The following CAVIN1 variants were observed in gnomAD, a reference collection of about 807,000 sequenced individuals.
CAVIN1 encodes the protein caveolae associated protein 1, also known as caveolae-associated protein 1.
CAVIN1 carries 16 observed loss-of-function variants against 24.0 expected under a neutral mutation model. The observed-to-expected ratio is 0.67, with a 90% CI of 0.45 to 1.01. The LOEUF (loss-of-function observed/expected upper bound fraction) is 1.01. Among genes scored for constraint, CAVIN1 ranks in the 50% least tolerant of loss-of-function variants. The probability of loss-of-function intolerance (pLI) is 0.00; values close to 1 mark genes in which losing one functional copy is unlikely to be tolerated. For missense variants in CAVIN1, 510 were observed against 551.7 expected (o/e 0.92, Z 0.76); for synonymous variants, 256 against 256.4 (o/e 1.00, Z 0.02).
chr17:42,419,386 C>G (rs1462423582), intron 1 of CAVIN1, among the ~76,000 whole-genome samples: 1 of 151,994 alleles, frequency 6.6e-6, no homozygotes, highest in East Asian at 1.9e-4. Context: ...CGATCTCGCT[C>G]ACTGCAACCT....
chr17:42,414,962 C>T (rs1350976334), intron 1 of CAVIN1, among the ~76,000 whole-genome samples: 1 of 150,844 alleles, frequency 6.6e-6, no homozygotes, highest in African/African-American at 2.4e-5. Flanking sequence ...CCCCTACACC[C>T]CTCCCCTCCC....
chr17:42,414,431 G>A (rs1286724324), intron 1 of CAVIN1, among the ~76,000 whole-genome samples: 1 of 151,478 alleles, frequency 6.6e-6, no homozygotes, highest in Non-Finnish European at 1.5e-5. Flanking sequence ...TTAAGATAGA[G>A]TCTCTCTATG....
chr17:42,409,448 G>A (rs1432222632), intron 1 of CAVIN1, among the ~76,000 whole-genome samples: 1 of 152,188 alleles, frequency 6.6e-6, no homozygotes, highest in Admixed American at 6.6e-5. Flanking sequence ...GACCAGTAAG[G>A]GATCTGGGGG....
At chr17:42,418,294 C>T (rs935153159) in intron 1 of CAVIN1, among the ~76,000 whole-genome samples, 1 of 144,428 alleles carries the variant, frequency 6.9e-6, no homozygotes, top group Admixed American at 7.2e-5. Flanking sequence ...TGCAATGGTG[C>T]GATCTCGGCT....
At chr17:42,417,728 G>T (rs1408787807) in intron 1 of CAVIN1, among the ~76,000 whole-genome samples, 3 of 151,944 alleles carry the variant, frequency 2.0e-5, no homozygotes, top group Non-Finnish European at 4.4e-5. Flanking sequence ...TTGCTCTCTT[G>T]TCCAGGCACA....
In CAVIN1 at chr17:42,409,840, G is replaced by A. The variant is rs146038801; in HGVS notation, c.472-4452C>T. Among the ~76,000 whole-genome samples the A allele has an allele frequency of 2.0e-3, 307 of 152,150 alleles. 1 individual carries two copies. The highest frequency in any genetic ancestry group is 3.4e-3 in the Non-Finnish European group (234 of 67,994). ...ACCTCAGGGGATGGCAAGGAGGGACGGCTCTGCTTGTTCTGTTTCTCGTTT... is the reference window on the plus strand; with the variant it reads ...ACCTCAGGGGATGGCAAGGAGGGACAGCTCTGCTTGTTCTGTTTCTCGTTT... On this transcript the variant is annotated intron_variant, in intron 1 of 1. Transcript: ENST00000357037.
At chr17:42,410,701 C>T (rs999685810) in intron 1 of CAVIN1, among the ~76,000 whole-genome samples, 4 of 151,698 alleles carry the variant, frequency 2.6e-5, no homozygotes, top group Non-Finnish European at 5.9e-5. Flanking sequence ...ATTACGAGGT[C>T]AGGAGATCGA....
chr17:42,403,377 C>T lies in CAVIN1; in HGVS notation c.*1310G>A, dbSNP rs1401527322. 2 of 152,888 alleles carry T rather than the reference C, an allele frequency of 1.3e-5. No individual in the cohort carries two copies. The highest frequency in any genetic ancestry group is 2.4e-5 in the African/African-American group (1 of 41,422). 9.5% of individuals were successfully genotyped at this position (152,888 alleles called of 1,614,324 possible). On this transcript the variant is annotated 3_prime_UTR_variant, in exon 2 of 2. Coordinates refer to ENST00000357037, the MANE Select transcript of CAVIN1 (RefSeq NM_012232.6). ...CCTAACTCCCAGCCTGCTGCTGCCCCCTTCTGGGACCCTAATTTTCTGGAC... is the reference window on the plus strand; with the variant it reads ...CCTAACTCCCAGCCTGCTGCTGCCCTCTTCTGGGACCCTAATTTTCTGGAC...
rs2085428173 is a variant in CAVIN1, at chr17:42,404,233, TC to T, written c.*453del. On this transcript the variant is annotated 3_prime_UTR_variant, in exon 2 of 2. Coordinates refer to ENST00000357037, the MANE Select transcript of CAVIN1 (RefSeq NM_012232.6). Reference sequence around the variant, plus strand: ...AGGGGGCCTCCCATGGGGGCAGGGATCCCCTTTAGGATTCAATCTTTCCTCT... The same window carrying T: ...AGGGGGCCTCCCATGGGGGCAGGGATCCCTTTAGGATTCAATCTTTCCTCT... 6.5e-6 allele frequency: 1 copy of T among 155,012 alleles called. No homozygotes were observed. Among genetic ancestry groups the T allele is most frequent in the African/African-American group, 2.4e-5 (1 of 41,548 alleles). 9.6% of individuals were successfully genotyped at this position (155,012 alleles called of 1,614,324 possible).
chr17:42,405,040 T>TG lies in CAVIN1; in HGVS notation c.819dup (p.Met274HisfsTer151). ...ACCAGGCGCGTGCCCAGCTTGTTCA[T>TG]GCGCTTCTCCAGGGTGTGCCGCGTC... On this transcript the variant is annotated frameshift_variant, in exon 2 of 2. Coordinates refer to ENST00000357037, the MANE Select transcript of CAVIN1 (RefSeq NM_012232.6). LOFTEE classifies it high-confidence loss of function. 6.2e-7 allele frequency: 1 copy of TG among 1,614,196 alleles called. No individual in the cohort carries two copies. Among genetic ancestry groups the TG allele is most frequent in the South Asian group, 1.1e-5 (1 of 91,086 alleles).
Position 42,404,761 on chromosome 17 carries a change from G to C in CAVIN1, c.1099C>G (p.Pro367Ala). 6.4e-7 allele frequency: 1 copy of C among 1,566,780 alleles called. No individual in the cohort carries two copies. The highest frequency in any genetic ancestry group is 1.4e-5 in the African/African-American group (1 of 73,368). The change falls in exon 2 of 2, where the codon CCC becomes GCC. Residue 367 changes from proline to alanine, a missense_variant. Physicochemically the swap from Pro to Ala is conservative, Grantham distance 27 (BLOSUM62 -1). Coordinates refer to ENST00000357037, the MANE Select transcript of CAVIN1 (RefSeq NM_012232.6). ...ATCTCCAGCAGCGCGTGCACGTCGG[G>C]GCTGCTCCCGCGCCGCAGGTCGCCG... ...EAGDLRRGSS[P>A]DVHALLEITE...
At position 42,422,674 on chromosome 17, in the gene CAVIN1, C is replaced by A. The variant is rs200111087; in HGVS notation, c.424G>T (p.Glu142Ter). 1.2e-6 allele frequency: 2 copies of A among 1,604,546 alleles called. No homozygotes were observed. The highest frequency in any genetic ancestry group is 1.7e-6 in the Non-Finnish European group (2 of 1,175,950). ...AGQIKKLEVN[E>*]AELLRRRNFK... ...TTGCGGCGCCGCAGCAGCTCGGCCT[C>A]GTTGACCTCCAGCTTCTTGATCTGC... Residue 142 changes from glutamate (E) to a stop codon, truncating the protein, a stop_gained, in exon 1 of 2, where the codon GAG becomes TAG. Transcript: ENST00000357037. LOFTEE classifies it high-confidence loss of function.
Position 42,404,620 on chromosome 17 carries a change from C to A in CAVIN1, c.*67G>T, listed in dbSNP as rs2085430375. On this transcript the variant is annotated 3_prime_UTR_variant, in exon 2 of 2. Coordinates refer to ENST00000357037, the MANE Select transcript of CAVIN1 (RefSeq NM_012232.6). ...TAGAAAAATCTCAGCCAGCTCGAGCCGAGAGAGAATGCGAAAGAGGAAGTT... is the reference window on the plus strand; with the variant it reads ...TAGAAAAATCTCAGCCAGCTCGAGCAGAGAGAGAATGCGAAAGAGGAAGTT... 4 of 1,113,302 alleles carry A rather than the reference C, an allele frequency of 3.6e-6. No homozygotes were observed. Among genetic ancestry groups the A allele is most frequent in the Non-Finnish European group, 4.8e-6 (4 of 831,578 alleles). 69.0% of individuals were successfully genotyped at this position (1,113,302 alleles called of 1,614,324 possible).
At chr17:42,410,128 C>T (rs989191326) in intron 1 of CAVIN1, among the ~76,000 whole-genome samples, 1 of 152,070 alleles carries the variant, frequency 6.6e-6, no homozygotes, top group African/African-American at 2.4e-5. Context: ...ACACATCTGG[C>T]CCTTGGCCAG....
At chr17:42,416,955 A>G (rs549687221) in intron 1 of CAVIN1, among the ~76,000 whole-genome samples, 1 of 152,256 alleles carries the variant, frequency 6.6e-6, no homozygotes, top group East Asian at 1.9e-4. Flanking sequence ...CCTACCCTTT[A>G]ATGCCCATGA....
At chr17:42,408,724 C>T (rs988261715) in intron 1 of CAVIN1, among the ~76,000 whole-genome samples, 1 of 150,920 alleles carries the variant, frequency 6.6e-6, no homozygotes, top group African/African-American at 2.4e-5. Context: ...CTCCCAACCT[C>T]ATGTGATTCG....
In CAVIN1 at chr17:42,423,013, C is replaced by T. The variant is rs1008285930; in HGVS notation, c.85G>A (p.Ala29Thr). The change falls in exon 1 of 2, where the codon GCT becomes ACT. Residue 29 changes from alanine (A) to threonine (T), a missense_variant. Physicochemically the swap from Ala to Thr is moderately conservative, Grantham distance 58. Coordinates refer to ENST00000357037, the MANE Select transcript of CAVIN1 (RefSeq NM_012232.6). ...CCCGACGGCTCCTCCGCTGCCTGAG[C>T]CCCAGCGGAGGAAGGCTCCGGGGCC... ...AEAPEPSSAG[A>T]QAAEEPSGAG... 5.0e-6 allele frequency: 8 copies of T among 1,612,630 alleles called. No homozygotes were observed. Among genetic ancestry groups the T allele is most frequent in the Non-Finnish European group, 5.9e-6 (7 of 1,179,700 alleles).
intron 1 of CAVIN1, among the ~76,000 whole-genome samples, chr17:42,420,712 T>A (rs2085539864): frequency 6.6e-6 from 1 of 152,206 alleles, no homozygotes; most frequent in Non-Finnish European, 1.5e-5. Flanking sequence ...CCTCTGCAGA[T>A]AAGTCTTTCT....
intron 1 of CAVIN1, among the ~76,000 whole-genome samples, chr17:42,420,064 C>T (rs1350511070): frequency 1.4e-5 from 2 of 145,996 alleles, no homozygotes; most frequent in African/African-American, 5.1e-5. Context: ...GGGGCCTTCC[C>T]ATCCCTTGGT....
Sources: allele counts gnomAD v4.1 joint callset (sites outside exome capture counted in the v4.1 genomes callset), GRCh38; gene constraint gnomAD v4.1.1; transcripts MANE v1.5; gene names NCBI Gene and HGNC (gene_info 2026-07-23, HGNC 2026-07-21).